LNX2: variants seen among roughly 807,000 people sequenced by gnomAD.
The protein encoded by LNX2 is ligand of numb-protein X 2.
In LNX2, 35 loss-of-function variants were observed where a neutral mutation model predicts 66.2. The observed-to-expected ratio is 0.53, with a 90% CI of 0.40 to 0.70. The LOEUF is 0.70. Ranked by LOEUF, LNX2 falls within the 30% of genes least tolerant of loss-of-function variation. The probability of loss-of-function intolerance (pLI) is 0.00; values close to 1 mark genes in which losing one functional copy is unlikely to be tolerated. For missense variants in LNX2, 791 were observed against 850.8 expected, an observed-to-expected ratio of 0.93 and a Z score of 0.87; for synonymous variants, 337 against 315.6, an observed-to-expected ratio of 1.07 and a Z score of -0.72.
intron 5 of LNX2, among the ~76,000 whole-genome samples, chr13:27,562,136 T>C (rs1403339371): frequency 6.6e-6 from 1 of 152,158 alleles, no homozygotes; most frequent in African/African-American, 2.4e-5. Context: ...GGCTTAATAG[T>C]AGAACCCAGG....
chr13:27,567,227 T>C (rs576951176), intron 4 of LNX2, among the ~76,000 whole-genome samples: 74 of 152,172 alleles, frequency 4.9e-4, no homozygotes, highest in African/African-American at 1.6e-3. Flanking sequence ...GTAGTCTGTA[T>C]AGAAAAGGAT....
At chr13:27,553,171 T>C in intron 8 of LNX2, 37 bp downstream of exon 8, 1 of 1,549,024 alleles carries the variant, frequency 6.5e-7, no homozygotes, top group Non-Finnish European at 8.9e-7. Context: ...CAAGCATGAT[T>C]ATGATTTCCA....
Position 27,546,217 on chromosome 13 carries a change from T to C in LNX2, c.*2118A>G, listed in dbSNP as rs148514896. ...ATTTCTTCTTTCAAAATACTCATTA[T>C]GCCACCAGGTTCAATGTAAGTATTT... On this transcript the variant is annotated 3_prime_UTR_variant, in exon 10 of 10. Coordinates refer to ENST00000316334, the MANE Select transcript of LNX2 (RefSeq NM_153371.4). The C allele has an allele frequency of 6.6e-6, 1 of 152,376 alleles. No homozygotes were observed. Among genetic ancestry groups the C allele is most frequent in the Admixed American group, 6.5e-5 (1 of 15,310 alleles). 9.4% of individuals were successfully genotyped at this position (152,376 alleles called of 1,614,324 possible). A position where few individuals can be genotyped will look rare whatever the true frequency, so the allele number is the denominator to read the frequency against.
intron 5 of LNX2, among the ~76,000 whole-genome samples, chr13:27,560,330 T>C (rs1434893027): frequency 6.6e-6 from 1 of 152,134 alleles, no homozygotes; most frequent in African/African-American, 2.4e-5. Flanking sequence ...TTGGCCTTAA[T>C]ATTGCAAGAC....
chr13:27,578,652 A>C (rs1445508176), intron 2 of LNX2, among the ~76,000 whole-genome samples: 1 of 152,148 alleles, frequency 6.6e-6, no homozygotes, highest in Non-Finnish European at 1.5e-5. Flanking sequence ...TAAGAACTTT[A>C]AATACCCTGA....
chr13:27,615,530 C>T (rs944290722), intron 1 of LNX2, among the ~76,000 whole-genome samples: 5 of 152,102 alleles, frequency 3.3e-5, no homozygotes, highest in African/African-American at 1.2e-4. Context: ...CTCTGCCCTC[C>T]CTGGAGGGTG....
At chr13:27,564,215 G>A (rs1243348043) in intron 4 of LNX2, among the ~76,000 whole-genome samples, 1 of 152,126 alleles carries the variant, frequency 6.6e-6, no homozygotes, top group Non-Finnish European at 1.5e-5. Flanking sequence ...AGCAGGCTGG[G>A]GAATATTCTA....
intron 1 of LNX2, among the ~76,000 whole-genome samples, chr13:27,613,243 G>A (rs139360278): frequency 1.3e-3 from 202 of 152,142 alleles, no homozygotes; most frequent in African/African-American, 4.5e-3. Flanking sequence ...GGATAGAGAC[G>A]CTCTGCAAGG....
At chr13:27,552,037 C>T (rs143846546) in intron 8 of LNX2, among the ~76,000 whole-genome samples, 1 of 152,244 alleles carries the variant, frequency 6.6e-6, no homozygotes, top group African/African-American at 2.4e-5. Context: ...AGCCTTTTAT[C>T]GACAGGTATT....
Position 27,556,369 on chromosome 13 carries a change from T to C in LNX2, c.1413A>G (p.Val471=). The change falls in exon 7 of 10, where the codon GTA becomes GTG. Residue 471 remains valine (V), a synonymous_variant. Coordinates refer to ENST00000316334, the MANE Select transcript of LNX2 (RefSeq NM_153371.4). ...CVTCQEKHIT[V]KKEPHESLGM... Reference sequence around the variant, plus strand: ...CAAGGGATTCATGTGGTTCCTTCTTTACAGTAATGTGTTTTTCTTGGCATG... The same window carrying C: ...CAAGGGATTCATGTGGTTCCTTCTTCACAGTAATGTGTTTTTCTTGGCATG... The C allele has an allele frequency of 6.2e-7, 1 of 1,613,986 alleles. No individual in the cohort carries two copies. The highest frequency in any genetic ancestry group is 8.5e-7 in the Non-Finnish European group (1 of 1,179,938).
intron 1 of LNX2, among the ~76,000 whole-genome samples, chr13:27,583,139 T>G (rs147710870): frequency 1.1e-3 from 163 of 150,134 alleles, no homozygotes; most frequent in African/African-American, 3.0e-3. Context: ...TATTCCATAC[T>G]TCGATTTGGG....
At chr13:27,606,739 G>C (rs1955721631) in intron 1 of LNX2, among the ~76,000 whole-genome samples, 1 of 152,142 alleles carries the variant, frequency 6.6e-6, no homozygotes, top group African/African-American at 2.4e-5. Flanking sequence ...CCTCAGGCTT[G>C]TTTTTCATGA....
chr13:27,607,395 C>T (rs1014086855), intron 1 of LNX2, among the ~76,000 whole-genome samples: 9 of 152,210 alleles, frequency 5.9e-5, no homozygotes, highest in Admixed American at 5.9e-4. Flanking sequence ...AAGTCTTACA[C>T]ACCAATTTTA....
intron 1 of LNX2, among the ~76,000 whole-genome samples, chr13:27,615,536 G>GGGT (rs1041018249): frequency 6.6e-6 from 1 of 152,140 alleles, no homozygotes; most frequent in African/African-American, 2.4e-5. Context: ...CCTCCCTGGA[G>GGGT]GGTGGTGGTG....
intron 1 of LNX2, among the ~76,000 whole-genome samples, chr13:27,593,338 T>C (rs1485637431): frequency 6.6e-6 from 1 of 152,130 alleles, no homozygotes; most frequent in Admixed American, 6.5e-5. Context: ...GGTTACCCTT[T>C]CCCTCACCTC....
chr13:27,583,785 G>C (rs1370959182), intron 1 of LNX2, among the ~76,000 whole-genome samples: 2 of 152,172 alleles, frequency 1.3e-5, no homozygotes, highest in Non-Finnish European at 2.9e-5. Flanking sequence ...GGAGAGGACA[G>C]TTAAAGCCCA....
intron 2 of LNX2, among the ~76,000 whole-genome samples, chr13:27,577,989 TAGAG>T (rs1277270908): frequency 2.0e-5 from 3 of 152,216 alleles, no homozygotes; most frequent in Non-Finnish European, 4.4e-5. Context: ...TGTTCAAAGA[TAGAG>T]ACTGTCCATG....
intron 1 of LNX2, among the ~76,000 whole-genome samples, chr13:27,606,812 G>A (rs1215199233): frequency 6.6e-6 from 1 of 152,080 alleles, no homozygotes; most frequent in African/African-American, 2.4e-5. Context: ...AGGAGCAAGG[G>A]AGCATGCACA....
At chr13:27,553,589 A>C in intron 7 of LNX2, 150 bp from the exon 8 acceptor site, 1 of 601,174 alleles carries the variant, frequency 1.7e-6, no homozygotes, top group East Asian at 2.8e-5. Context: ...ATTTCTTTGT[A>C]ATTTTTATAA....
Sources: allele counts gnomAD v4.1 joint callset (sites outside exome capture counted in the v4.1 genomes callset), GRCh38; gene constraint gnomAD v4.1.1; transcripts MANE v1.5; gene names NCBI Gene and HGNC (gene_info 2026-07-23, HGNC 2026-07-21).